The following DHX32 variants were observed in gnomAD, a reference collection of about 807,000 sequenced individuals.
The protein encoded by DHX32 is DEAH-box helicase 32 (putative).
Under a neutral mutation model 70.0 loss-of-function variants are expected in DHX32, and 51 were observed. The observed-to-expected ratio is 0.73, with a 90% confidence interval of 0.58 to 0.92. The LOEUF is 0.92. Among genes scored for constraint, DHX32 ranks in the 40% least tolerant of loss-of-function variants. DHX32 has a pLI of 0.00. For missense variants in DHX32, 762 were observed against 891.8 expected, an observed-to-expected ratio of 0.85 and a Z score of 1.85; for synonymous variants, 310 against 315.3, an observed-to-expected ratio of 0.98 and a Z score of 0.18.
intron 8 of DHX32, among the ~76,000 whole-genome samples, chr10:125,840,266 C>T (rs538746443): frequency 1.3e-5 from 2 of 152,284 alleles, no homozygotes; most frequent in African/African-American, 4.8e-5. Flanking sequence ...GGTAAGCTAC[C>T]CACTGCCCTT....
intron 6 of DHX32, among the ~76,000 whole-genome samples, chr10:125,850,991 A>G (rs1290423783): frequency 2.6e-5 from 4 of 152,208 alleles, no homozygotes; most frequent in Non-Finnish European, 5.9e-5. Flanking sequence ...TGACTGTGTC[A>G]TTCAGGATGG....
At chr10:125,837,255 G>A (rs1043153804) in intron 10 of DHX32, among the ~76,000 whole-genome samples, 4 of 152,154 alleles carry the variant, frequency 2.6e-5, no homozygotes, top group Non-Finnish European at 4.4e-5. Flanking sequence ...ATCCAGCTGC[G>A]TAAGCCAGAC....
chr10:125,884,750 G>T (rs529085986), upstream of DHX32, among the ~76,000 whole-genome samples: 5 of 152,046 alleles, frequency 3.3e-5, no homozygotes, highest in South Asian at 8.3e-4. Flanking sequence ...TTTGTCCTGA[G>T]TAACTTATGT....
chr10:125,860,382 T>C (rs1031102677), intron 2 of DHX32, among the ~76,000 whole-genome samples: 2 of 152,250 alleles, frequency 1.3e-5, no homozygotes, highest in Non-Finnish European at 2.9e-5. Context: ...AGTAAAATTA[T>C]ACACTTTTCA....
At chr10:125,842,916 A>G (rs1264455055) in intron 6 of DHX32, 3 of 393,076 alleles carry the variant, frequency 7.6e-6, no homozygotes, top group Non-Finnish European at 1.0e-5. Flanking sequence ...TATTTAAAGA[A>G]ATATATTCTC....
chr10:125,836,620 C>A lies in DHX32; in HGVS notation c.*67G>T. The A allele has an allele frequency of 6.4e-7, 1 of 1,563,050 alleles. No homozygotes were observed. Reference sequence around the variant, plus strand: ...AATCCGTCTTCGCGTCATGTATCTCCCATATCCAGCAGTTCAGCCATCCAG... The same window carrying A: ...AATCCGTCTTCGCGTCATGTATCTCACATATCCAGCAGTTCAGCCATCCAG... On this transcript the variant is annotated 3_prime_UTR_variant, in exon 11 of 11. Coordinates refer to ENST00000284690, the MANE Select transcript of DHX32 (RefSeq NM_018180.3).
intron 6 of DHX32, among the ~76,000 whole-genome samples, chr10:125,845,108 C>G (rs1343644277): frequency 6.6e-6 from 1 of 152,232 alleles, no homozygotes; most frequent in Non-Finnish European, 1.5e-5. Flanking sequence ...AGCGCTAACT[C>G]CAAGCTGAGC....
chr10:125,836,632 G>A lies in DHX32; in HGVS notation c.*55C>T. 1.9e-6 allele frequency: 3 copies of A among 1,585,430 alleles called. No individual in the cohort carries two copies. Among genetic ancestry groups the A allele is most frequent in the Non-Finnish European group, 2.6e-6 (3 of 1,163,348 alleles). ...CGTCATGTATCTCCCATATCCAGCAGTTCAGCCATCCAGCTACCTTTGGGA... is the reference window on the plus strand; with the variant it reads ...CGTCATGTATCTCCCATATCCAGCAATTCAGCCATCCAGCTACCTTTGGGA... On this transcript the variant is annotated 3_prime_UTR_variant, in exon 11 of 11. Transcript: ENST00000284690.
At chr10:125,893,058 C>A (rs1198711816) in intron 1 of DHX32, among the ~76,000 whole-genome samples, 60 of 152,358 alleles carry the variant, frequency 3.9e-4, no homozygotes, top group African/African-American at 1.4e-3. Context: ...GTCAGAGGTA[C>A]AAGATCCATC....
upstream of DHX32, among the ~76,000 whole-genome samples, chr10:125,884,843 T>C (rs911339675): frequency 6.6e-6 from 1 of 152,154 alleles, no homozygotes; most frequent in African/African-American, 2.4e-5. Flanking sequence ...ATGTATCAAA[T>C]ACCCAAATAC....
chr10:125,867,277 T>A, intron 1 of DHX32, 94 bp from the exon 2 acceptor site: 1 of 1,121,462 alleles, frequency 8.9e-7, no homozygotes. Context: ...TATAAGTGAT[T>A]TTCTTTCATC....
chr10:125,838,149 C>G, intron 10 of DHX32, 57 bp downstream of exon 10: 1 of 1,476,664 alleles, frequency 6.8e-7, no homozygotes, highest in African/African-American at 1.4e-5. Context: ...TTGTCATTTA[C>G]TCCTACAGGT....
At position 125,838,207 on chromosome 10, in the gene DHX32, G is replaced by C. The variant is rs753275231; in HGVS notation, c.2062C>G (p.Leu688Val). Residue 688 changes from leucine (L) to valine (V), a missense_variant and splice_region_variant, in exon 10 of 11, where the codon CTA becomes GTA. Coordinates refer to ENST00000284690, the MANE Select transcript of DHX32 (RefSeq NM_018180.3). ...IRITSEISPE[L>V]FMQLVPQYYF... ...CCCTTTCTTCTCCATTAAACTTACA[G>C]TTCAGGAGAGATTTCTGAGGTAATC... is the stretch of plus-strand genomic sequence containing the variant. 1 of 1,600,362 alleles carries C rather than the reference G, an allele frequency of 6.2e-7. No homozygotes were observed. Among genetic ancestry groups the C allele is most frequent in the African/African-American group, 1.3e-5 (1 of 74,226 alleles).
Position 125,839,001 on chromosome 10 carries a change from C to T in DHX32, c.1881G>A (p.Gln627=). ...KKALLSGYFM[Q]IARDVDGSGN... ...CTGAGGTGACCCCACCCCTTCTCACCTGCATAAAGTAACCGGACAGAAGAG... is the reference window on the plus strand; with the variant it reads ...CTGAGGTGACCCCACCCCTTCTCACTTGCATAAAGTAACCGGACAGAAGAG... Residue 627 remains glutamine (Q), a splice_region_variant and synonymous_variant, in exon 9 of 11, where the codon CAG becomes CAA. Coordinates refer to ENST00000284690, the MANE Select transcript of DHX32 (RefSeq NM_018180.3). 2 of 1,613,382 alleles carry T rather than the reference C, an allele frequency of 1.2e-6. No homozygotes were observed. The highest frequency in any genetic ancestry group is 1.7e-6 in the Non-Finnish European group (2 of 1,179,572).
chr10:125,896,129 A>T, intron 1 of DHX32: 1 of 164,522 alleles, frequency 6.1e-6, no homozygotes, highest in Non-Finnish European at 1.3e-5. Flanking sequence ...CGGCTACAAC[A>T]GGTGCGCCGG....
chr10:125,854,321 T>C (rs1944127772), intron 3 of DHX32, 118 bp from the exon 4 acceptor site: 5 of 1,006,330 alleles, frequency 5.0e-6, no homozygotes, highest in Admixed American at 3.4e-5. Context: ...GGGAAAGAAA[T>C]CCCTGTGTTG....
chr10:125,870,857 T>A (rs2134064969), intron 1 of DHX32, among the ~76,000 whole-genome samples: 1 of 151,830 alleles, frequency 6.6e-6, no homozygotes, highest in African/African-American at 2.4e-5. Flanking sequence ...AAAATAAAAA[T>A]AAATAAATAA....
intron 1 of DHX32, among the ~76,000 whole-genome samples, chr10:125,892,311 A>AT (rs869306719): frequency 6.6e-6 from 1 of 152,276 alleles, no homozygotes; most frequent in Non-Finnish European, 1.5e-5. Context: ...AACATCTCCA[A>AT]TTTTTTTGTC....
chr10:125,853,015 A>C, intron 4 of DHX32: 1 of 799,006 alleles, frequency 1.3e-6, no homozygotes, highest in Non-Finnish European at 2.0e-6. Flanking sequence ...AGTTTTGTTC[A>C]AATCAACCAG....
Sources: gnomAD v4.1 joint callset for allele counts (sites outside exome capture counted in the v4.1 genomes callset) on GRCh38, gnomAD v4.1.1 for gene constraint, MANE v1.5 for transcripts, NCBI Gene and HGNC (gene_info 2026-07-23, HGNC 2026-07-21) for gene names.